ARHGAP40: variants seen among roughly 807,000 people sequenced by gnomAD.
ARHGAP40 encodes rho GTPase-activating protein 40.
A neutral mutation model predicts 73.5 loss-of-function variants in ARHGAP40; 43 were observed. The observed-to-expected ratio is 0.58, with a 90% CI of 0.46 to 0.75. The LOEUF (loss-of-function observed/expected upper bound fraction) is 0.75. ARHGAP40 is among the 30% of genes least tolerant of loss of function. ARHGAP40 has a pLI of 0.00. For missense variants in ARHGAP40, 734 were observed against 861.8 expected (o/e 0.85, Z 1.86); for synonymous variants, 300 against 352.8 (o/e 0.85, Z 1.68).
intron 6 of ARHGAP40, among the ~76,000 whole-genome samples, chr20:38,635,911 T>A (rs2088971863): frequency 2.6e-5 from 4 of 152,216 alleles, no homozygotes; most frequent in African/African-American, 7.2e-5. Flanking sequence ...TTGGCTGATC[T>A]AGGCTTAGCT....
At chr20:38,641,497 G>A (rs917383173) in intron 9 of ARHGAP40, among the ~76,000 whole-genome samples, 16 of 152,324 alleles carry the variant, frequency 1.1e-4, no homozygotes, top group African/African-American at 3.4e-4. Context: ...ACATGCATGC[G>A]TGTGTTTATT....
chr20:38,607,685 C>T (rs1046966055), intron 1 of ARHGAP40, among the ~76,000 whole-genome samples: 2 of 152,180 alleles, frequency 1.3e-5, no homozygotes, highest in Non-Finnish European at 2.9e-5. Flanking sequence ...CAGGCGTCAC[C>T]GACTCTTCCC....
Position 38,646,965 on chromosome 20 carries a change from G to C in ARHGAP40, c.1719G>C (p.Lys573Asn), listed in dbSNP as rs1174244458. Reference sequence around the variant, plus strand: ...TCTCTCTCTCTCTGCAGACTCCCAAGGTGGCAAAGATCCAGGTGGTCTGGC... The same window carrying C: ...TCTCTCTCTCTCTGCAGACTCCCAACGTGGCAAAGATCCAGGTGGTCTGGC... The change falls in exon 13 of 15, where the codon AAG (lysine) becomes AAC (asparagine). Residue 573 changes from lysine to asparagine, a missense_variant. By Grantham distance (94) the Lys-to-Asn change is moderately conservative (BLOSUM62 0). Transcript: ENST00000373345. The surrounding 1 kb of genome is among the most constrained non-coding windows in gnomAD (Gnocchi z 4.5). 3.1e-6 allele frequency: 4 copies of C among 1,305,112 alleles called. No individual in the cohort carries two copies. In the Admixed American group the frequency reaches 9.2e-5, roughly 30 times the overall value. The allele number at this position is 1,305,112 out of a possible 1,614,324, so 80.8% of individuals were successfully genotyped here.
exon 2 of ARHGAP40, chr20:38,623,404 T>C (rs1337025520): frequency 3.1e-6 from 4 of 1,290,776 alleles, no homozygotes; most frequent in Non-Finnish European, 4.0e-6. Context: ...CCCAGAAGAA[T>C]CTCCTGCGAC....
At chr20:38,641,028 GACAGGT>G (rs755035114) in intron 9 of ARHGAP40, among the ~76,000 whole-genome samples, 20 of 151,394 alleles carry the variant, frequency 1.3e-4, no homozygotes, top group Non-Finnish European at 5.9e-5. Flanking sequence ...CACAGCACCT[GACAGGT>G]ACTTGATAGA....
chr20:38,643,167 A>C (rs954631521), intron 10 of ARHGAP40, among the ~76,000 whole-genome samples: 1 of 151,980 alleles, frequency 6.6e-6, no homozygotes, highest in African/African-American at 2.4e-5. Flanking sequence ...AACAAAAAAC[A>C]AACAAAAAAA....
intron 10 of ARHGAP40, 112 bp downstream of exon 10, chr20:38,641,920 T>C: frequency 3.5e-6 from 3 of 848,436 alleles, no homozygotes; most frequent in Non-Finnish European, 4.8e-6. Context: ...TGCCAGGTGC[T>C]AGGGTTCAGT....
intron 1 of ARHGAP40, among the ~76,000 whole-genome samples, chr20:38,604,297 A>G (rs1206254012): frequency 1.3e-5 from 2 of 152,206 alleles, no homozygotes; most frequent in African/African-American, 4.8e-5. Context: ...GGTTGAATGA[A>G]CAGATGAAAA....
In ARHGAP40 at chr20:38,646,329, G is replaced by A. The variant is rs2145616311; in HGVS notation, c.1710+142G>A. The A allele has an allele frequency of 1.0e-6, 1 of 1,000,992 alleles. No homozygotes were observed. Among genetic ancestry groups the A allele is most frequent in the South Asian group, 2.0e-5 (1 of 50,902 alleles). The allele number at this position is 1,000,992 out of a possible 1,614,324, so 62.0% of individuals were successfully genotyped here. ...TGAGGCCACCAGGGGGCGTTGCGGC[G>A]CCGTCACGGGGAGCGAGGAGGCGTG... is the stretch of plus-strand genomic sequence containing the variant. On this transcript the variant is annotated intron_variant, in intron 12 of 14. Coordinates refer to ENST00000373345, the Ensembl canonical transcript of ARHGAP40. This position sits in a 1 kb window ranked among gnomAD's most constrained non-coding sequence, Gnocchi z 4.5.
intron 3 of ARHGAP40, among the ~76,000 whole-genome samples, chr20:38,628,605 G>C (rs1477626133): frequency 6.6e-6 from 1 of 152,190 alleles, no homozygotes. Flanking sequence ...CGCCCGGCTG[G>C]CACAAAATAC....
intron 7 of ARHGAP40, 75 bp downstream of exon 7, chr20:38,637,874 A>G: frequency 2.6e-6 from 3 of 1,171,768 alleles, no homozygotes; most frequent in Middle Eastern, 2.3e-4. Flanking sequence ...GTCAGGAGAC[A>G]TCCAGCAAAG....
chr20:38,611,667 G>A (rs137858859), intron 1 of ARHGAP40, among the ~76,000 whole-genome samples: 2,288 of 151,910 alleles, frequency 0.015, 63 homozygotes, highest in African/African-American at 0.052. Flanking sequence ...AAGCTCCCGG[G>A]TTCACGCCAT....
chr20:38,601,846 C>T lies in ARHGAP40; in HGVS notation c.-97C>T, dbSNP rs1269648670. On this transcript the variant is annotated 5_prime_UTR_variant, in exon 1 of 15. It adds an upstream start codon to the 5' untranslated region. Coordinates refer to ENST00000373345, the Ensembl canonical transcript of ARHGAP40. ...GGGTGTCTGGGAACTGGGTGCGCCA[C>T]GGGGGCCCTACCTCACTCCTCCCTC... The T allele has an allele frequency of 1.6e-6, 2 of 1,249,552 alleles. No homozygotes were observed. The highest frequency in any genetic ancestry group is 1.5e-5 in the African/African-American group (1 of 65,086). The allele number at this position is 1,249,552 out of a possible 1,614,324, so 77.4% of individuals were successfully genotyped here.
intron 3 of ARHGAP40, among the ~76,000 whole-genome samples, chr20:38,628,025 G>A (rs1413391554): frequency 6.6e-6 from 1 of 152,192 alleles, no homozygotes; most frequent in East Asian, 1.9e-4. Flanking sequence ...TGCAGAGCGG[G>A]GCCACCCGAT....
In ARHGAP40 at chr20:38,602,185, G is replaced by T. The variant is rs534989071; in HGVS notation, c.137+106G>T. The T allele has an allele frequency of 5.3e-5, 62 of 1,172,772 alleles. No individual in the cohort carries two copies. The African/African-American group carries it at 9.2e-4, about 17-fold the overall frequency. The allele number at this position is 1,172,772 out of a possible 1,614,324, so 72.6% of individuals were successfully genotyped here. A position where few individuals can be genotyped will look rare whatever the true frequency, so the allele number is the denominator to read the frequency against. On this transcript the variant is annotated intron_variant, in intron 1 of 14. Transcript: ENST00000373345. ...TGTGAGGCAAGAATCTTCCTCCATC[G>T]TACAGATGAGGAAACAGAGGCTTGG...
chr20:38,641,162 GCC>G (rs1187639546), intron 9 of ARHGAP40, among the ~76,000 whole-genome samples: 1 of 152,112 alleles, frequency 6.6e-6, no homozygotes, highest in East Asian at 1.9e-4. Context: ...AGGGTGCTCA[GCC>G]TCTGTCTCCT....
At chr20:38,644,557 A>AC (rs2145615125) in intron 11 of ARHGAP40, among the ~76,000 whole-genome samples, 1 of 150,388 alleles carries the variant, frequency 6.6e-6, no homozygotes, top group South Asian at 2.1e-4. Context: ...CCATCCACCC[A>AC]CTCACCCACC....
intron 11 of ARHGAP40, among the ~76,000 whole-genome samples, chr20:38,645,035 G>T (rs1601151729): frequency 1.3e-5 from 2 of 152,158 alleles, no homozygotes. Flanking sequence ...CCCTGCCTGG[G>T]CACTCGTCTG....
chr20:38,616,675 GA>G (rs2088841484), intron 1 of ARHGAP40, among the ~76,000 whole-genome samples: 1 of 152,214 alleles, frequency 6.6e-6, no homozygotes, highest in South Asian at 2.1e-4. Context: ...GACCATCTGT[GA>G]AATGGGATGA....
Sources: gnomAD v4.1 joint callset for allele counts (sites outside exome capture counted in the v4.1 genomes callset) on GRCh38, gnomAD v4.1.1 for gene constraint, Gnocchi (gnomAD v3.1) non-coding constraint, MANE v1.5 for transcripts, NCBI Gene and HGNC (gene_info 2026-07-23, HGNC 2026-07-21) for gene names.